MAN1A1: variants seen among roughly 807,000 people sequenced by gnomAD.
MAN1A1 encodes mannosidase alpha class 1A member 1.
Under a neutral mutation model 70.8 loss-of-function variants are expected in MAN1A1, and 29 were observed. The observed-to-expected ratio is 0.41, with a 90% CI of 0.31 to 0.56. The LOEUF (loss-of-function observed/expected upper bound fraction) is 0.56. Ranked by LOEUF, MAN1A1 falls within the 20% of genes least tolerant of loss-of-function variation. The pLI is 0.29. For missense variants in MAN1A1, 747 were observed against 841.3 expected (o/e 0.89, Z 1.39); for synonymous variants, 349 against 330.1 (o/e 1.06, Z -0.62).
At chr6:119,308,455 A>G (rs757867641) in intron 2 of MAN1A1, among the ~76,000 whole-genome samples, 17 of 152,164 alleles carry the variant, frequency 1.1e-4, no homozygotes, top group Non-Finnish European at 2.2e-4. Context: ...TATAATCCCT[A>G]CAACGCCACT....
At chr6:119,189,610 A>G in intron 10 of MAN1A1, 54 bp downstream of exon 10, 4 of 1,553,824 alleles carry the variant, frequency 2.6e-6, no homozygotes, top group Non-Finnish European at 2.7e-6. Context: ...ACAAAACTGC[A>G]TTAAATCAAA....
intron 4 of MAN1A1, among the ~76,000 whole-genome samples, chr6:119,301,305 T>C (rs1772382719): frequency 6.6e-6 from 1 of 152,186 alleles, no homozygotes; most frequent in Non-Finnish European, 1.5e-5. Flanking sequence ...GACTATCAAA[T>C]TAGAGCTGAT....
chr6:119,270,055 G>A (rs1259784242), intron 5 of MAN1A1, among the ~76,000 whole-genome samples: 1 of 152,130 alleles, frequency 6.6e-6, no homozygotes, highest in African/African-American at 2.4e-5. Flanking sequence ...GCCAATGGAA[G>A]CCTCTTCCAG....
intron 6 of MAN1A1, among the ~76,000 whole-genome samples, chr6:119,211,587 C>T (rs910643396): frequency 6.6e-6 from 1 of 152,184 alleles, no homozygotes; most frequent in Non-Finnish European, 1.5e-5. Context: ...ATACATGCCC[C>T]TCTTATAGCC....
chr6:119,185,619 C>G (rs1030931348), intron 11 of MAN1A1, among the ~76,000 whole-genome samples: 2 of 152,088 alleles, frequency 1.3e-5, no homozygotes, highest in African/African-American at 4.8e-5. Context: ...CTCTGTCCCT[C>G]AGGTTCGAGT....
chr6:119,349,592 G>A lies in MAN1A1; in HGVS notation c.-273C>T. On this transcript the variant is annotated 5_prime_UTR_variant, in exon 1 of 13. Transcript: ENST00000368468. Reference sequence around the variant, plus strand: ...GGCGGGAGACTCGTCAACTTCGCCCGCTCCCCATCTCCGCGCTGAGACTGC... The same window carrying A: ...GGCGGGAGACTCGTCAACTTCGCCCACTCCCCATCTCCGCGCTGAGACTGC... 1.0e-6 allele frequency: 1 copy of A among 986,004 alleles called. No individual in the cohort carries two copies. 61.1% of individuals were successfully genotyped at this position (986,004 alleles called of 1,614,324 possible). A position where few individuals can be genotyped will look rare whatever the true frequency, so the allele number is the denominator to read the frequency against.
chr6:119,225,765 C>T (rs1423319818), intron 6 of MAN1A1, among the ~76,000 whole-genome samples: 1 of 152,086 alleles, frequency 6.6e-6, no homozygotes, highest in Non-Finnish European at 1.5e-5. Flanking sequence ...AATCTGAAAA[C>T]CAATAACCCT....
intron 5 of MAN1A1, among the ~76,000 whole-genome samples, chr6:119,261,191 G>A (rs1350056587): frequency 6.6e-6 from 1 of 151,894 alleles, no homozygotes; most frequent in Admixed American, 6.6e-5. Context: ...GTGTTGGCCA[G>A]GATGGTCTCG....
At chr6:119,266,554 G>A (rs1379327858) in intron 5 of MAN1A1, among the ~76,000 whole-genome samples, 3 of 151,934 alleles carry the variant, frequency 2.0e-5, no homozygotes, top group African/African-American at 7.2e-5. Context: ...AAAAATGAAT[G>A]TAGACACAGA....
At chr6:119,289,390 C>T (rs1377627382) in intron 5 of MAN1A1, among the ~76,000 whole-genome samples, 1 of 151,848 alleles carries the variant, frequency 6.6e-6, no homozygotes, top group Non-Finnish European at 1.5e-5. Context: ...AAGCAGAAAC[C>T]TGTTAACTAA....
intron 5 of MAN1A1, among the ~76,000 whole-genome samples, chr6:119,273,623 A>G (rs150883003): frequency 5.9e-5 from 9 of 152,290 alleles, no homozygotes; most frequent in Admixed American, 4.6e-4. Flanking sequence ...AGATTCCCCA[A>G]TGCAGGATAA....
At chr6:119,208,937 A>G (rs1354285535) in intron 6 of MAN1A1, among the ~76,000 whole-genome samples, 1 of 152,182 alleles carries the variant, frequency 6.6e-6, no homozygotes, top group East Asian at 1.9e-4. Flanking sequence ...TCTACAAAAA[A>G]TACAAAAATT....
intron 8 of MAN1A1, among the ~76,000 whole-genome samples, chr6:119,195,870 T>A (rs2114939101): frequency 6.6e-6 from 1 of 152,356 alleles, no homozygotes; most frequent in Non-Finnish European, 1.5e-5. Context: ...CTAAGTCTGA[T>A]TCTTGAAGTG....
At chr6:119,279,069 C>A (rs879626708) in intron 5 of MAN1A1, among the ~76,000 whole-genome samples, 1 of 152,130 alleles carries the variant, frequency 6.6e-6, no homozygotes, top group Non-Finnish European at 1.5e-5. Flanking sequence ...CCCCCTCAAC[C>A]ATTCAATCTC....
chr6:119,348,598 C>T lies in MAN1A1; in HGVS notation c.468G>A (p.Lys156=). 6.2e-7 allele frequency: 1 copy of T among 1,613,932 alleles called. No individual in the cohort carries two copies. Among genetic ancestry groups the T allele is most frequent in the Non-Finnish European group, 8.5e-7 (1 of 1,179,902 alleles). The part of the protein sequence containing the change: ...IQRDILLEKK[K]VAQDQLRDKA... ...TGTCACGCAGCTGGTCCTGGGCCAC[C>T]TTCTTCTTCTCCAGTAGGATGTCTC... The change falls in exon 2 of 13, where the codon AAG becomes AAA. Residue 156 remains lysine, a synonymous_variant. Transcript: ENST00000368468.
At chr6:119,207,822 A>G (rs1314157541) in intron 6 of MAN1A1, among the ~76,000 whole-genome samples, 1 of 152,106 alleles carries the variant, frequency 6.6e-6, no homozygotes, top group Non-Finnish European at 1.5e-5. Context: ...GGTCTGGTGG[A>G]GAGGGGGTCA....
At position 119,229,968 on chromosome 6, in the gene MAN1A1, G is replaced by C. The variant is rs554377254; in HGVS notation, c.992+18292C>G. Among the ~76,000 whole-genome samples the C allele has an allele frequency of 1.8e-4, 27 of 152,266 alleles. No individual in the cohort carries two copies. In the South Asian group the frequency reaches 5.6e-3, roughly 32 times the overall value. ...ACTAAAAAATACAAACTTGCTAGCT[G>C]TGTCAAATACCTGCTCTTTCTCACA... is the stretch of plus-strand genomic sequence containing the variant. On this transcript the variant is annotated intron_variant, in intron 6 of 12. Coordinates refer to ENST00000368468, the MANE Select transcript of MAN1A1 (RefSeq NM_005907.4).
intron 5 of MAN1A1, among the ~76,000 whole-genome samples, chr6:119,267,410 T>C (rs1397941531): frequency 2.6e-5 from 4 of 152,074 alleles, no homozygotes; most frequent in Non-Finnish European, 4.4e-5. Flanking sequence ...GTACATTAAG[T>C]ATTATTTACA....
At chr6:119,231,455 G>A (rs1053401023) in intron 6 of MAN1A1, among the ~76,000 whole-genome samples, 1 of 152,138 alleles carries the variant, frequency 6.6e-6, no homozygotes, top group African/African-American at 2.4e-5. Context: ...CCAGCAATGC[G>A]GAACTGTGAG....
Sources: allele counts gnomAD v4.1 joint callset (sites outside exome capture counted in the v4.1 genomes callset), GRCh38; gene constraint gnomAD v4.1.1; transcripts MANE v1.5; gene names NCBI Gene and HGNC (gene_info 2026-07-23, HGNC 2026-07-21).